The following PHTF2 variants were observed in gnomAD, a reference collection of about 807,000 sequenced individuals.
PHTF2 encodes protein PHTF2.
Under a neutral mutation model 101.2 loss-of-function variants are expected in PHTF2, and 60 were observed. The ratio of observed to expected loss-of-function variants is 0.59; its 90% CI spans 0.48 to 0.73. PHTF2 has a LOEUF of 0.73. Ranked by LOEUF, PHTF2 falls within the 30% of genes least tolerant of loss-of-function variation. The pLI is 0.00. For synonymous variants in PHTF2, 311 were observed against 307.3 expected, an observed-to-expected ratio of 1.01 and a Z score of -0.13; for missense variants, 747 against 908.7, an observed-to-expected ratio of 0.82 and a Z score of 2.29.
chr7:77,869,463 T>C (rs981695168), intron 3 of PHTF2, among the ~76,000 whole-genome samples: 5 of 152,200 alleles, frequency 3.3e-5, no homozygotes, highest in Admixed American at 6.5e-5. Flanking sequence ...GAGATCAACT[T>C]TTATAGCTCC....
chr7:77,854,817 C>T (rs1797047216), exon 3 of PHTF2: 1 of 758,892 alleles, frequency 1.3e-6, no homozygotes, highest in Non-Finnish European at 2.4e-6. Flanking sequence ...GGACCAAGGG[C>T]TCTTCATTCA....
chr7:77,892,512 T>C (rs951155694), intron 3 of PHTF2, among the ~76,000 whole-genome samples: 1 of 152,252 alleles, frequency 6.6e-6, no homozygotes, highest in Non-Finnish European at 1.5e-5. Flanking sequence ...TATCATTGCC[T>C]ATCTCTGGTC....
At chr7:77,928,793 A>T (rs1804298025) in intron 11 of PHTF2, among the ~76,000 whole-genome samples, 2 of 152,236 alleles carry the variant, frequency 1.3e-5, no homozygotes, top group South Asian at 4.1e-4. Flanking sequence ...AGACCGTATG[A>T]ACTTAGACTA....
At chr7:77,951,432 G>A (rs187079482) in intron 17 of PHTF2, among the ~76,000 whole-genome samples, 185 bp from the exon 17 acceptor site, 6 of 152,092 alleles carry the variant, frequency 3.9e-5, no homozygotes, top group African/African-American at 1.4e-4. Flanking sequence ...CATTTCAAAA[G>A]TGTTTGAGAA....
intron 2 of PHTF2, chr7:77,854,697 G>T: frequency 1.4e-6 from 1 of 702,322 alleles, no homozygotes. Context: ...ACAAGACAAA[G>T]TTTTTTGCAC....
intron 11 of PHTF2, among the ~76,000 whole-genome samples, chr7:77,924,523 A>G (rs1803782063): frequency 6.6e-6 from 1 of 152,252 alleles, no homozygotes; most frequent in Admixed American, 6.5e-5. Context: ...AGGTCTTTTC[A>G]GAAAGACTTG....
chr7:77,919,259 A>G (rs971247157), intron 9 of PHTF2, among the ~76,000 whole-genome samples: 5 of 152,224 alleles, frequency 3.3e-5, no homozygotes, highest in African/African-American at 9.6e-5. Flanking sequence ...AGAACTGAGT[A>G]ACTTAGTGTT....
At chr7:77,893,855 C>T in intron 4 of PHTF2, 127 bp from the exon 4 acceptor site, 1 of 759,550 alleles carries the variant, frequency 1.3e-6, no homozygotes, top group South Asian at 1.7e-5. Context: ...TTTTTATCAT[C>T]TTTCTGTTCT....
chr7:77,813,968 G>T (rs901238209), intron 1 of PHTF2, among the ~76,000 whole-genome samples: 10 of 152,150 alleles, frequency 6.6e-5, no homozygotes, highest in Admixed American at 3.9e-4. Flanking sequence ...CCAGTCATAT[G>T]TTCCTCATTT....
chr7:77,875,847 G>A (rs1798900576), intron 3 of PHTF2, among the ~76,000 whole-genome samples: 1 of 152,258 alleles, frequency 6.6e-6, no homozygotes, highest in Non-Finnish European at 1.5e-5. Flanking sequence ...GTGAGAAACC[G>A]TGCTGGGCCA....
At chr7:77,944,880 CTT>C (rs1174338621) in intron 16 of PHTF2, among the ~76,000 whole-genome samples, 2 of 152,120 alleles carry the variant, frequency 1.3e-5, no homozygotes, top group Admixed American at 6.5e-5. Flanking sequence ...AAGTCACTGA[CTT>C]TTAAAACACA....
At chr7:77,803,570 A>G (rs999948683) in intron 1 of PHTF2, among the ~76,000 whole-genome samples, 4 of 152,248 alleles carry the variant, frequency 2.6e-5, no homozygotes, top group Middle Eastern at 3.4e-3. Flanking sequence ...GGAGTTACCT[A>G]CTTTGCGAGA....
At position 77,940,494 on chromosome 7, in the gene PHTF2, C is replaced by G. The variant is rs573340340; in HGVS notation, c.1741-34C>G. 8 of 1,543,230 alleles carry G rather than the reference C, an allele frequency of 5.2e-6. No homozygotes were observed. In the Admixed American group the frequency reaches 7.9e-5, roughly 15 times the overall value. ...AATTTTGTTTTTCTGTGGTAATCTA[C>G]TTGAAAATTAATCCTCATCTTAATC... On this transcript the variant is annotated intron_variant, in intron 14 of 19. Coordinates refer to ENST00000416283, the Ensembl canonical transcript of PHTF2.
At chr7:77,894,567 G>A (rs982301871) in intron 5 of PHTF2, among the ~76,000 whole-genome samples, 2 of 152,134 alleles carry the variant, frequency 1.3e-5, no homozygotes, top group African/African-American at 4.8e-5. Context: ...TTTTGAGGAA[G>A]GATTAATACA....
chr7:77,921,759 T>A (rs1464976280), intron 10 of PHTF2, among the ~76,000 whole-genome samples: 1 of 152,184 alleles, frequency 6.6e-6, no homozygotes, highest in African/African-American at 2.4e-5. Context: ...CATGAAAATA[T>A]CAATAAAACG....
chr7:77,956,356 A>C (rs1806990599), exon 20 of PHTF2: 1 of 152,588 alleles, frequency 6.6e-6, no homozygotes, highest in South Asian at 2.1e-4. Flanking sequence ...ATGTGTGGAG[A>C]ACAGAGCCAT....
chr7:77,905,596 T>C (rs1471456656), intron 7 of PHTF2, among the ~76,000 whole-genome samples: 1 of 151,886 alleles, frequency 6.6e-6, no homozygotes, highest in Non-Finnish European at 1.5e-5. Context: ...CCTCCAAGGC[T>C]CAATCATTCC....
chr7:77,946,013 A>G (rs1250998631), intron 16 of PHTF2, among the ~76,000 whole-genome samples: 1 of 152,216 alleles, frequency 6.6e-6, no homozygotes, highest in Non-Finnish European at 1.5e-5. Flanking sequence ...TAGAGCTAGT[A>G]TGAAAATGGG....
intron 9 of PHTF2, among the ~76,000 whole-genome samples, chr7:77,919,757 C>T (rs1241620223): frequency 1.3e-5 from 2 of 152,124 alleles, no homozygotes; most frequent in East Asian, 3.9e-4. Flanking sequence ...TGTTCTTTTT[C>T]ACTTCTTCCA....
Sources: gnomAD v4.1 joint callset for allele counts (sites outside exome capture counted in the v4.1 genomes callset) on GRCh38, gnomAD v4.1.1 for gene constraint, MANE v1.5 for transcripts, NCBI Gene and HGNC (gene_info 2026-07-23, HGNC 2026-07-21) for gene names.